The following HECTD4 variants were observed in gnomAD, a reference collection of about 807,000 sequenced individuals.
HECTD4 encodes the protein probable E3 ubiquitin-protein ligase HECTD4.
HECTD4 carries 114 observed loss-of-function variants against 471.5 expected under a neutral mutation model. That is an observed-to-expected ratio of 0.24 (90% CI 0.21 to 0.28). The LOEUF is 0.28. HECTD4 is among the 10% of genes least tolerant of loss of function. The pLI, the probability that HECTD4 is intolerant of heterozygous loss-of-function variation, is 1.00. For synonymous variants in HECTD4, 2,012 were observed against 2,256.0 expected (o/e 0.89, Z 3.07); for missense variants, 3,866 against 5,651.5 (o/e 0.68, Z 10.13).
intron 1 of HECTD4, among the ~76,000 whole-genome samples, chr12:112,367,305 AAAAAGAAAG>A (rs1566126323): frequency 3.3e-5 from 4 of 121,186 alleles, no homozygotes; most frequent in Admixed American, 9.5e-5. Flanking sequence ...TCTCAAAAAA[AAAAAGAAAG>A]AAAGAAAGAA....
chr12:112,349,897 T>C (rs1362419550), intron 1 of HECTD4, among the ~76,000 whole-genome samples: 1 of 152,222 alleles, frequency 6.6e-6, no homozygotes, highest in African/African-American at 2.4e-5. Flanking sequence ...AATAATTTTA[T>C]ATTTCTGTAA....
At chr12:112,335,709 G>A (rs1423415375) in intron 1 of HECTD4, among the ~76,000 whole-genome samples, 2 of 151,916 alleles carry the variant, frequency 1.3e-5, no homozygotes, top group Non-Finnish European at 2.9e-5. Context: ...ACTATAAATT[G>A]GGTGCAGCGT....
At chr12:112,175,605 C>T in intron 66 of HECTD4, 131 bp downstream of exon 66, 1 of 1,162,274 alleles carries the variant, frequency 8.6e-7, no homozygotes, top group Non-Finnish European at 1.2e-6. Context: ...TAGGAAAAAA[C>T]TCAGAAATTA....
chr12:112,352,797 G>A (rs1351268159), intron 1 of HECTD4, among the ~76,000 whole-genome samples: 1 of 152,014 alleles, frequency 6.6e-6, no homozygotes, highest in Non-Finnish European at 1.5e-5. Flanking sequence ...TGTAGAGACA[G>A]AGTCTCGCTA....
intron 9 of HECTD4, among the ~76,000 whole-genome samples, chr12:112,277,651 A>C (rs540981038): frequency 3.9e-5 from 6 of 152,348 alleles, no homozygotes; most frequent in South Asian, 4.1e-4. Context: ...GACCAAGCCC[A>C]CTACAGCAAG....
In HECTD4 at chr12:112,307,623, A is replaced by G. The variant is rs545478050; in HGVS notation, c.1164+1130T>C. ...ATTTGTTAATTTGTTCATTTTATTC[A>G]TCCAACAATTATTGAGCACCTACTA... On this transcript the variant is annotated intron_variant, in intron 6 of 75. Coordinates refer to ENST00000682272, the MANE Select transcript of HECTD4 (RefSeq NM_001388303.1). 3.9e-5 allele frequency among the ~76,000 whole-genome samples: 6 copies of G among 152,312 alleles called. No individual in the cohort carries two copies. The South Asian group carries it at 1.2e-3, about 32-fold the overall frequency.
chr12:112,183,021 C>CA, intron 62 of HECTD4, 38 bp downstream of exon 62: 1 of 1,506,008 alleles, frequency 6.6e-7, no homozygotes, highest in Non-Finnish European at 9.2e-7. Context: ...AATTGCTCCA[C>CA]AAAAAGTCTA....
chr12:112,312,454 C>G (rs1378887104), intron 4 of HECTD4, among the ~76,000 whole-genome samples: 2 of 152,040 alleles, frequency 1.3e-5, no homozygotes, highest in Non-Finnish European at 2.9e-5. Flanking sequence ...TCCCATCTGC[C>G]AAGTCAGTTA....
In HECTD4 at chr12:112,175,901, C is replaced by T. The variant is rs372779734; in HGVS notation, c.11471-42G>A. 9.6e-5 allele frequency: 155 copies of T among 1,606,516 alleles called. 1 individual carries two copies. The highest frequency in any genetic ancestry group is 2.1e-4 in the Middle Eastern group (1 of 4,768). ...AGTGTGAGGAATCTGGTGAGACCTG[C>T]GCACATCGCGCGCCTCCAACGTGCT... On this transcript the variant is annotated intron_variant, in intron 65 of 75. Transcript: ENST00000682272.
rs2031952380 is a variant in HECTD4, at chr12:112,188,238, G to C, written c.9472+2548C>G. On this transcript the variant is annotated intron_variant, in intron 60 of 75. Coordinates refer to ENST00000682272, the MANE Select transcript of HECTD4 (RefSeq NM_001388303.1). The surrounding 1 kb of genome is among the most constrained non-coding windows in gnomAD (Gnocchi z 4.2). ...CAGGAGGTGGAAGTTGCAGTGAGCT[G>C]AGATCGCACCACTGCGCTCCAGCCT... 6.6e-6 allele frequency among the ~76,000 whole-genome samples: 1 copy of C among 152,154 alleles called. No individual in the cohort carries two copies. Among genetic ancestry groups the C allele is most frequent in the African/African-American group, 2.4e-5 (1 of 41,432 alleles).
At position 112,283,087 on chromosome 12, in the gene HECTD4, C is replaced by A. The variant is rs770558539; in HGVS notation, c.1528+23G>T. The A allele has an allele frequency of 2.5e-6, 4 of 1,595,708 alleles. No homozygotes were observed. In the South Asian group the frequency reaches 3.4e-5, roughly 13 times the overall value. ...AACAGAGCTATACAAGGAAACAGAT[C>A]TGGGAAGCACAGAGTAACATACCTG... On this transcript the variant is annotated intron_variant, in intron 8 of 75. Transcript: ENST00000682272.
rs550138761 is a variant in HECTD4 at position 112,240,025 on chromosome 12, A to T, written c.4961T>A (p.Ile1654Asn). The change falls in exon 33 of 76, where the codon ATT becomes AAT. Residue 1654 changes from isoleucine (I) to asparagine (N), a missense_variant and splice_region_variant. By Grantham distance (149) the Ile-to-Asn change is moderately radical. Transcript: ENST00000682272. ...VTMVLQGGPR[I>N]EELTCGGMVE... ...CATCCCACCACATGTGAGTTCTTCA[A>T]TTCTGTGAAAGAGAAACCAAAGCTC... is the stretch of plus-strand genomic sequence containing the variant. The T allele has an allele frequency of 6.2e-7, 1 of 1,613,700 alleles. No homozygotes were observed. The highest frequency in any genetic ancestry group is 1.1e-5 in the South Asian group (1 of 91,072).
intron 62 of HECTD4, among the ~76,000 whole-genome samples, chr12:112,182,032 G>A (rs1380033100): frequency 6.6e-6 from 1 of 152,116 alleles, no homozygotes; most frequent in Non-Finnish European, 1.5e-5. Flanking sequence ...GGTGGAAGTT[G>A]CAGTGAGCTG....
Position 112,163,770 on chromosome 12 carries a change from C to T in HECTD4, c.12702-33G>A. On this transcript the variant is annotated intron_variant, in intron 73 of 75. Transcript: ENST00000682272. The surrounding 1 kb of genome is among the most constrained non-coding windows in gnomAD (Gnocchi z 8.2). The stretch of plus-strand genomic sequence containing the variant: ...GGTGAGGAGCACAGGTGAGGGAGAA[C>T]ACCGCCGAAGAGGCTGGGTCTGGGG... 1 of 1,423,806 alleles carries T rather than the reference C, an allele frequency of 7.0e-7. No individual in the cohort carries two copies. Among genetic ancestry groups the T allele is most frequent in the Non-Finnish European group, 9.2e-7 (1 of 1,083,496 alleles). 88.2% of individuals were successfully genotyped at this position (1,423,806 alleles called of 1,614,324 possible). A position where few individuals can be genotyped will look rare whatever the true frequency, so the allele number is the denominator to read the frequency against.
At chr12:112,258,672 G>A in intron 19 of HECTD4, 76 bp from the exon 20 acceptor site, 2 of 1,173,692 alleles carry the variant, frequency 1.7e-6, no homozygotes, top group Non-Finnish European at 2.4e-6. Context: ...CAAACTTAGA[G>A]GTCTCTCTTA....
intron 48 of HECTD4, among the ~76,000 whole-genome samples, chr12:112,215,013 C>T (rs1385954786): frequency 2.0e-5 from 3 of 152,014 alleles, no homozygotes; most frequent in Admixed American, 1.3e-4. Context: ...ATTAGCTGGG[C>T]ATGGTGGCAG....
chr12:112,201,830 T>G (rs904145000), intron 54 of HECTD4, among the ~76,000 whole-genome samples: 1 of 152,260 alleles, frequency 6.6e-6, no homozygotes, highest in Admixed American at 6.5e-5. Context: ...ATCTGTCTGA[T>G]AGCTGTATTT....
chr12:112,180,396 G>A lies in HECTD4; in HGVS notation c.10988-999C>T, dbSNP rs2057686. Among the ~76,000 whole-genome samples the A allele has an allele frequency of 0.055, 8,426 of 152,174 alleles. 1,286 individuals carry two copies. In the East Asian group the frequency reaches 0.61, roughly 11 times the overall value. ...AGCAAAATACAAAAATTAGCCAGGTGTGGTGGCGTGTGCCTGTCTTCTCAG... is the reference window on the plus strand; with the variant it reads ...AGCAAAATACAAAAATTAGCCAGGTATGGTGGCGTGTGCCTGTCTTCTCAG... On this transcript the variant is annotated intron_variant, in intron 62 of 75. Transcript: ENST00000682272.
At chr12:112,376,941 A>G (rs28551113) in intron 1 of HECTD4, among the ~76,000 whole-genome samples, 23,628 of 151,850 alleles carry the variant, frequency 0.16, 2,462 homozygotes, top group African/African-American at 0.3. Flanking sequence ...GGTGAAACTC[A>G]TCTCTACTAA....
Sources: allele counts gnomAD v4.1 joint callset (sites outside exome capture counted in the v4.1 genomes callset), GRCh38; gene constraint gnomAD v4.1.1; non-coding constraint Gnocchi (gnomAD v3.1); transcripts MANE v1.5; gene names NCBI Gene and HGNC (gene_info 2026-07-23, HGNC 2026-07-21).